The following DOCK2 variants were observed in gnomAD, a reference collection of about 807,000 sequenced individuals.
DOCK2 encodes dedicator of cytokinesis protein 2.
A neutral mutation model predicts 248.9 loss-of-function variants in DOCK2; 87 were observed. That is an observed-to-expected ratio of 0.35 (90% CI 0.29 to 0.42). DOCK2 has a LOEUF of 0.42. Among genes scored for constraint, DOCK2 ranks in the 10% least tolerant of loss-of-function variants. The probability of loss-of-function intolerance (pLI) is 1.00; values close to 1 mark genes in which losing one functional copy is unlikely to be tolerated. For synonymous variants in DOCK2, 805 were observed against 821.6 expected, an observed-to-expected ratio of 0.98 and a Z score of 0.35; for missense variants, 1,747 against 2,300.2, an observed-to-expected ratio of 0.76 and a Z score of 4.92.
chr5:170,012,024 C>A (rs897071840), intron 32 of DOCK2, among the ~76,000 whole-genome samples: 1 of 152,208 alleles, frequency 6.6e-6, no homozygotes, highest in Non-Finnish European at 1.5e-5. Flanking sequence ...TCTAATTCAA[C>A]CCTGCCGATT....
chr5:169,905,892 T>A (rs1415061762), intron 27 of DOCK2, among the ~76,000 whole-genome samples: 1 of 152,328 alleles, frequency 6.6e-6, no homozygotes, highest in South Asian at 2.1e-4. Context: ...TCATTCACAG[T>A]CAAGCTGATT....
intron 22 of DOCK2, among the ~76,000 whole-genome samples, chr5:169,746,767 A>G (rs1012432847): frequency 1.3e-5 from 2 of 152,216 alleles, no homozygotes; most frequent in African/African-American, 4.8e-5. Context: ...GATACCCATT[A>G]AAACTTTGAC....
intron 27 of DOCK2, among the ~76,000 whole-genome samples, chr5:169,929,046 G>C (rs1305214624): frequency 1.3e-5 from 2 of 152,228 alleles, no homozygotes; most frequent in East Asian, 1.9e-4. Flanking sequence ...CAGATGGAAA[G>C]CTTGAGGTCA....
chr5:169,948,489 A>G (rs539881875), intron 27 of DOCK2, among the ~76,000 whole-genome samples: 2 of 152,026 alleles, frequency 1.3e-5, no homozygotes, highest in South Asian at 4.2e-4. Flanking sequence ...CTCTATCTGT[A>G]TATCTGACTA....
intron 27 of DOCK2, among the ~76,000 whole-genome samples, chr5:169,977,981 C>T (rs566363497): frequency 1.1e-4 from 16 of 152,260 alleles, no homozygotes; most frequent in South Asian, 2.1e-4. Flanking sequence ...TGAGTGCATT[C>T]GGCCACTCCT....
chr5:169,998,105 C>CAGTCATTATGCAAA, intron 30 of DOCK2: 1 of 454,308 alleles, frequency 2.2e-6, no homozygotes, highest in Non-Finnish European at 4.4e-6. Flanking sequence ...GGATCACCCC[C>CAGTCATTATGCAAA]ACTCACTCCA....
chr5:170,054,457 G>A (rs1243216785), intron 41 of DOCK2, among the ~76,000 whole-genome samples: 1 of 152,172 alleles, frequency 6.6e-6, no homozygotes, highest in South Asian at 2.1e-4. Flanking sequence ...CCTAGAAGAG[G>A]CATGACAAGG....
intron 30 of DOCK2, among the ~76,000 whole-genome samples, chr5:170,007,530 CAG>C (rs1172982875): frequency 1.3e-5 from 2 of 152,132 alleles, no homozygotes; most frequent in African/African-American, 4.8e-5. Context: ...CAGTGGGTAC[CAG>C]AGTCACCTCA....
intron 27 of DOCK2, among the ~76,000 whole-genome samples, chr5:169,881,115 A>G (rs1772618884): frequency 6.6e-6 from 1 of 152,228 alleles, no homozygotes; most frequent in African/African-American, 2.4e-5. Flanking sequence ...GCAAATGTGC[A>G]TGCCAAGCTT....
chr5:169,728,847 T>A (rs1293431447), intron 22 of DOCK2, among the ~76,000 whole-genome samples: 2 of 152,200 alleles, frequency 1.3e-5, no homozygotes, highest in Non-Finnish European at 2.9e-5. Flanking sequence ...CGTAAGACAC[T>A]GGTCTTGTCT....
intron 25 of DOCK2, among the ~76,000 whole-genome samples, chr5:169,799,084 C>A (rs1178904604): frequency 6.6e-6 from 1 of 152,152 alleles, no homozygotes; most frequent in South Asian, 2.1e-4. Context: ...GGACAACCTG[C>A]GCACTCTTAT....
chr5:169,733,457 A>T (rs146042788), intron 22 of DOCK2, among the ~76,000 whole-genome samples: 1 of 151,836 alleles, frequency 6.6e-6, no homozygotes, highest in African/African-American at 2.4e-5. Context: ...GTTTTTACCA[A>T]TAAAAGTTCA....
intron 27 of DOCK2, among the ~76,000 whole-genome samples, chr5:169,885,901 C>T (rs113876506): frequency 1.1e-4 from 16 of 152,172 alleles, no homozygotes; most frequent in African/African-American, 2.4e-4. Context: ...CCATTATCCC[C>T]CTTAGACTTA....
Position 170,008,550 on chromosome 5 carries a change from G to T in DOCK2, c.3126G>T (p.Leu1042=). The change falls in exon 31 of 52, where the codon CTG becomes CTT. Residue 1042 remains leucine (L), a synonymous_variant. Coordinates refer to ENST00000520908, the MANE Select transcript of DOCK2 (RefSeq NM_004946.3). ...TGGCTTTTATCACCCAGGATTCTCTGCAGCTGGAGCAGTTCTCACACGCCA... is the reference window on the plus strand; with the variant it reads ...TGGCTTTTATCACCCAGGATTCTCTTCAGCTGGAGCAGTTCTCACACGCCA... ...LAVAFITQDS[L]QLEQFSHAKY... is the part of the protein sequence containing the mutation. 2 of 1,614,094 alleles carry T rather than the reference G, an allele frequency of 1.2e-6. No individual in the cohort carries two copies. Among genetic ancestry groups the T allele is most frequent in the Non-Finnish European group, 1.7e-6 (2 of 1,179,978 alleles).
chr5:169,981,837 C>A (rs1284877488), intron 27 of DOCK2, among the ~76,000 whole-genome samples: 1 of 152,076 alleles, frequency 6.6e-6, no homozygotes, highest in African/African-American at 2.4e-5. Context: ...AAACATAATG[C>A]TATTGCATAC....
At chr5:169,995,201 G>T (rs1478724220) in intron 29 of DOCK2, among the ~76,000 whole-genome samples, 1 of 151,826 alleles carries the variant, frequency 6.6e-6, no homozygotes, top group African/African-American at 2.4e-5. Flanking sequence ...GCTAATTTTT[G>T]TATTTTTAGT....
chr5:169,875,112 T>A, intron 27 of DOCK2: 1 of 430,404 alleles, frequency 2.3e-6, no homozygotes, highest in Non-Finnish European at 4.7e-6. Flanking sequence ...CAAGTATTTT[T>A]TATTCATGGG....
chr5:169,721,107 C>T (rs1762179030), intron 22 of DOCK2, among the ~76,000 whole-genome samples: 1 of 152,232 alleles, frequency 6.6e-6, no homozygotes, highest in Admixed American at 6.5e-5. Context: ...TTGTTTTGCT[C>T]TTCTCTGCCT....
At chr5:169,822,543 A>G (rs1768529309) in intron 26 of DOCK2, among the ~76,000 whole-genome samples, 1 of 152,364 alleles carries the variant, frequency 6.6e-6, no homozygotes, top group South Asian at 2.1e-4. Context: ...AAATGAAGGC[A>G]GAAATAAAGA....
Sources: gnomAD v4.1 joint callset for allele counts (sites outside exome capture counted in the v4.1 genomes callset) on GRCh38, gnomAD v4.1.1 for gene constraint, MANE v1.5 for transcripts, NCBI Gene and HGNC (gene_info 2026-07-23, HGNC 2026-07-21) for gene names.